The following C1orf159 variants were observed in gnomAD, a reference collection of about 807,000 sequenced individuals.
C1orf159 encodes uncharacterized protein C1orf159.
Under a neutral mutation model 25.6 loss-of-function variants are expected in C1orf159, and 19 were observed. The ratio of observed to expected loss-of-function variants is 0.74; its 90% CI spans 0.52 to 1.09. The LOEUF is 1.09. Ranked by LOEUF, C1orf159 falls within the 50% of genes least tolerant of loss-of-function variation. The pLI is 0.00. For synonymous variants in C1orf159, 139 were observed against 124.7 expected (o/e 1.12, Z -0.77); for missense variants, 274 against 290.6 (o/e 0.94, Z 0.42).
intron 1 of C1orf159, among the ~76,000 whole-genome samples, chr1:1,113,510 A>G (rs1199046565): frequency 3.9e-5 from 6 of 152,164 alleles, no homozygotes; most frequent in Non-Finnish European, 8.8e-5. Flanking sequence ...CTCCTGCCTC[A>G]GTCCCTCGAG....
At chr1:1,107,781 C>T (rs148856433) in intron 1 of C1orf159, among the ~76,000 whole-genome samples, 1 of 152,218 alleles carries the variant, frequency 6.6e-6, no homozygotes, top group Non-Finnish European at 1.5e-5. Flanking sequence ...TTCTTTCGCT[C>T]TTTGCAATAA....
chr1:1,100,343 T>A (rs1646082882), intron 1 of C1orf159, among the ~76,000 whole-genome samples: 1 of 151,942 alleles, frequency 6.6e-6, no homozygotes, highest in South Asian at 2.1e-4. Flanking sequence ...TCCCTTTGTA[T>A]ACACACGCTG....
Position 1,087,117 on chromosome 1 carries a change from G to A in C1orf159, c.310+22C>T, listed in dbSNP as rs751090201. 1 of 1,601,796 alleles carries A rather than the reference G, an allele frequency of 6.2e-7. No individual in the cohort carries two copies. ...AGCCCCCAGGACACCGGCAGAGGTG[G>A]CTGTGGCCTGCTGAGACTTACCAGG... On this transcript the variant is annotated intron_variant, in intron 6 of 9. Coordinates refer to ENST00000421241, the MANE Select transcript of C1orf159 (RefSeq NM_017891.5). This position sits in a 1 kb window ranked among gnomAD's most constrained non-coding sequence, Gnocchi z 8.3.
intron 1 of C1orf159, among the ~76,000 whole-genome samples, chr1:1,101,928 C>G (rs1020712506): frequency 6.6e-6 from 1 of 151,626 alleles, no homozygotes. Context: ...AAAAATTAAT[C>G]GGGCATGGTG....
At chr1:1,109,145 G>C (rs1296480413) in intron 1 of C1orf159, among the ~76,000 whole-genome samples, 1 of 150,330 alleles carries the variant, frequency 6.7e-6, no homozygotes, top group South Asian at 2.1e-4. Flanking sequence ...TCCACCCACA[G>C]ATGAATGGAT....
chr1:1,091,235 TG>T (rs907614334), intron 3 of C1orf159: 2 of 628,500 alleles, frequency 3.2e-6, no homozygotes, highest in Non-Finnish European at 5.6e-6. Flanking sequence ...TGCCTCACCG[TG>T]GGGGCCCCGC....
intron 1 of C1orf159, among the ~76,000 whole-genome samples, chr1:1,096,219 G>A (rs1646007807): frequency 6.6e-6 from 1 of 152,200 alleles, no homozygotes; most frequent in South Asian, 2.1e-4. Flanking sequence ...AAGAGAGACA[G>A]GGTCTCACTC....
chr1:1,087,230 G>GC lies in C1orf159; in HGVS notation c.245-27dup. 2 of 1,593,498 alleles carry GC rather than the reference G, an allele frequency of 1.3e-6. No individual in the cohort carries two copies. The highest frequency in any genetic ancestry group is 1.7e-6 in the Non-Finnish European group (2 of 1,170,278). ...CTGTGGGATAGCAGAACTGTGGGAA[G>GC]CCTGTGTGCACGGAGCCCACGGGGA... is the stretch of plus-strand genomic sequence containing the variant. On this transcript the variant is annotated intron_variant, in intron 5 of 9. Coordinates refer to ENST00000421241, the MANE Select transcript of C1orf159 (RefSeq NM_017891.5). The surrounding 1 kb of genome is among the most constrained non-coding windows in gnomAD (Gnocchi z 8.3).
At chr1:1,113,971 C>T (rs1646298937) in intron 1 of C1orf159, among the ~76,000 whole-genome samples, 1 of 144,958 alleles carries the variant, frequency 6.9e-6, no homozygotes, top group African/African-American at 2.6e-5. Context: ...GGCTGCAGTG[C>T]AGTGGCGCAA....
intron 6 of C1orf159, among the ~76,000 whole-genome samples, chr1:1,086,385 C>T (rs975742478): frequency 2.0e-5 from 3 of 152,252 alleles, no homozygotes; most frequent in East Asian, 1.9e-4. Context: ...GGGCTCAGCA[C>T]AGGCCCTGGG....
chr1:1,088,785 G>A (rs865865362), intron 4 of C1orf159, among the ~76,000 whole-genome samples: 7 of 152,136 alleles, frequency 4.6e-5, no homozygotes, highest in East Asian at 1.9e-4. Flanking sequence ...AACGGGCCGC[G>A]GCGACACGGG....
In C1orf159 at chr1:1,116,005, G is replaced by A; in HGVS notation, c.-136+55C>T. ...CCTGCGCCGACCCGGCCGCCCAGAC[G>A]GACCCCAGCGCCCCAACCCGCTACC... On this transcript the variant is annotated intron_variant, in intron 1 of 9. Coordinates refer to ENST00000421241, the MANE Select transcript of C1orf159 (RefSeq NM_017891.5). The surrounding 1 kb of genome is among the most constrained non-coding windows in gnomAD (Gnocchi z 4.8). The A allele has an allele frequency of 6.6e-6, 1 of 152,242 alleles. No individual in the cohort carries two copies. Among genetic ancestry groups the A allele is most frequent in the Non-Finnish European group, 1.5e-5 (1 of 68,224 alleles). 9.4% of individuals were successfully genotyped at this position (152,242 alleles called of 1,614,324 possible). A position where few individuals can be genotyped will look rare whatever the true frequency, so the allele number is the denominator to read the frequency against.
chr1:1,099,838 G>C (rs1044767155), intron 1 of C1orf159, among the ~76,000 whole-genome samples: 10 of 151,326 alleles, frequency 6.6e-5, no homozygotes, highest in African/African-American at 2.4e-4. Context: ...TGATGTTTTT[G>C]GTCTATTGTT....
intron 2 of C1orf159, 142 bp downstream of exon 2, chr1:1,091,849 A>G (rs1645944108): frequency 2.1e-6 from 1 of 477,318 alleles, no homozygotes; most frequent in South Asian, 1.9e-5. Context: ...CAGATGACTG[A>G]GTTAAATGGA....
intron 1 of C1orf159, among the ~76,000 whole-genome samples, 151 bp downstream of exon 1, chr1:1,115,909 A>G (rs1646333754): frequency 6.7e-6 from 1 of 149,878 alleles, no homozygotes; most frequent in Admixed American, 6.6e-5. Flanking sequence ...CGCGCCGCAC[A>G]ATGGGGGACG....
chr1:1,085,159 A>C, intron 7 of C1orf159: 2 of 300,702 alleles, frequency 6.7e-6, no homozygotes, highest in Non-Finnish European at 6.9e-6. Context: ...GTTGAGGGGG[A>C]TGGACAGGGG....
chr1:1,088,990 C>CT (rs1645881817), intron 4 of C1orf159, among the ~76,000 whole-genome samples: 1 of 152,234 alleles, frequency 6.6e-6, no homozygotes, highest in South Asian at 2.1e-4. Flanking sequence ...CAGCGAGGCT[C>CT]TGTCTGAGAG....
chr1:1,090,592 G>A (rs947452500), intron 3 of C1orf159, 164 bp from the exon 4 acceptor site: 6 of 759,052 alleles, frequency 7.9e-6, no homozygotes, highest in Admixed American at 6.7e-5. Flanking sequence ...GTGGGCCTGG[G>A]AGCAAGGAGG....
Position 1,082,755 on chromosome 1 carries a change from C to A in C1orf159, c.*138G>T, listed in dbSNP as rs996348825. ...CCCTTTGGCGTCCGTCGCTGGGAGG[C>A]GGAGGGACTCAGAGCCGAGGCTGTG... On this transcript the variant is annotated 3_prime_UTR_variant, in exon 10 of 10. Coordinates refer to ENST00000421241, the MANE Select transcript of C1orf159 (RefSeq NM_017891.5). 49 of 766,664 alleles carry A rather than the reference C, an allele frequency of 6.4e-5. No individual in the cohort carries two copies. Among genetic ancestry groups the A allele is most frequent in the Non-Finnish European group, 1.5e-5 (7 of 458,066 alleles). 47.5% of individuals were successfully genotyped at this position (766,664 alleles called of 1,614,324 possible). A position where few individuals can be genotyped will look rare whatever the true frequency, so the allele number is the denominator to read the frequency against.
Sources: gnomAD v4.1 joint callset for allele counts (sites outside exome capture counted in the v4.1 genomes callset) on GRCh38, gnomAD v4.1.1 for gene constraint, Gnocchi (gnomAD v3.1) non-coding constraint, MANE v1.5 for transcripts, NCBI Gene and HGNC (gene_info 2026-07-23, HGNC 2026-07-21) for gene names.